Variants in CCDC88A observed in about 807,000 individuals in gnomAD.
CCDC88A encodes coiled-coil and HOOK domain protein 88A.
CCDC88A carries 54 observed loss-of-function variants against 234.3 expected under a neutral mutation model. That is an observed-to-expected ratio of 0.23 (90% CI 0.19 to 0.29). The LOEUF (loss-of-function observed/expected upper bound fraction) is 0.29. CCDC88A is among the 10% of genes least tolerant of loss of function. The probability of loss-of-function intolerance (pLI) is 1.00; values close to 1 mark genes in which losing one functional copy is unlikely to be tolerated. For missense variants in CCDC88A, 1,832 were observed against 2,123.4 expected, an observed-to-expected ratio of 0.86 and a Z score of 2.70; for synonymous variants, 753 against 737.8, an observed-to-expected ratio of 1.02 and a Z score of -0.33.
intron 3 of CCDC88A, among the ~76,000 whole-genome samples, chr2:55,380,832 G>T (rs1026884568): frequency 6.6e-6 from 1 of 152,116 alleles, no homozygotes; most frequent in Non-Finnish European, 1.5e-5. Flanking sequence ...GGCCAGGCTG[G>T]TCTCAAACTC....
intron 9 of CCDC88A, chr2:55,348,593 T>G (rs902557314): frequency 6.6e-6 from 1 of 152,190 alleles, no homozygotes; most frequent in Non-Finnish European, 1.5e-5. Flanking sequence ...TTTTAAAACT[T>G]CATAGTTTTA....
Position 55,317,951 on chromosome 2 carries a change from C to T in CCDC88A, c.3325-110G>A, listed in dbSNP as rs1387279708. The T allele has an allele frequency of 2.7e-6, 2 of 751,456 alleles. No homozygotes were observed. The highest frequency in any genetic ancestry group is 3.5e-5 in the African/African-American group (2 of 56,696). The allele number at this position is 751,456 out of a possible 1,614,324, so 46.5% of individuals were successfully genotyped here. The stretch of plus-strand genomic sequence containing the variant: ...AAAGCTCTAAATGAATCACAGCACA[C>T]ATATTTACATTATACTGGGAAGACG... On this transcript the variant is annotated intron_variant, in intron 19 of 32. Transcript: ENST00000436346. The surrounding 1 kb of genome is among the most constrained non-coding windows in gnomAD (Gnocchi z 4.2).
chr2:55,312,396 G>T, intron 23 of CCDC88A, 38 bp downstream of exon 23: 1 of 1,578,040 alleles, frequency 6.3e-7, no homozygotes, highest in African/African-American at 1.3e-5. Flanking sequence ...AAAATCATGA[G>T]TAACATATTT....
At chr2:55,358,915 C>T (rs1574271383) in intron 7 of CCDC88A, among the ~76,000 whole-genome samples, 1 of 152,104 alleles carries the variant, frequency 6.6e-6, no homozygotes, top group Admixed American at 6.6e-5. Context: ...TTATTAATCT[C>T]CATAGTAGCC....
At chr2:55,346,432 T>A in intron 9 of CCDC88A, 99 bp from the exon 10 acceptor site, 1 of 671,960 alleles carries the variant, frequency 1.5e-6, no homozygotes, top group Non-Finnish European at 2.3e-6. Flanking sequence ...TTTATTTATT[T>A]ATTTGAGATG....
chr2:55,308,629 T>C (rs974919425), intron 25 of CCDC88A, 180 bp downstream of exon 25: 2 of 583,132 alleles, frequency 3.4e-6, no homozygotes, highest in Middle Eastern at 4.5e-4. Flanking sequence ...TATCTGTGTA[T>C]GATTTACCTC....
chr2:55,353,649 C>CAAA (rs34022778), intron 8 of CCDC88A, among the ~76,000 whole-genome samples: 5 of 77,054 alleles, frequency 6.5e-5, no homozygotes, highest in Admixed American at 2.9e-4. Flanking sequence ...GAAACCAAAC[C>CAAA]AAAAAAAAAA....
Position 55,332,668 on chromosome 2 carries a change from G to A in CCDC88A, c.2753C>T (p.Thr918Ile). 6.2e-7 allele frequency: 1 copy of A among 1,613,262 alleles called. No homozygotes were observed. The highest frequency in any genetic ancestry group is 8.5e-7 in the Non-Finnish European group (1 of 1,179,656). Residue 918 changes from threonine (T) to isoleucine (I), a missense_variant, in exon 16 of 33, where the codon ACC becomes ATC. By Grantham distance (89) the Thr-to-Ile change is moderately conservative (BLOSUM62 -1). Transcript: ENST00000436346. This position sits in a 1 kb window ranked among gnomAD's most constrained non-coding sequence, Gnocchi z 4.5. ...REDLVSEKLKTQQMNNDLEKL... is the reference protein window; with the variant it reads ...REDLVSEKLKIQQMNNDLEKL... Reference sequence around the variant, plus strand: ...TTCGAGATCATTGTTCATCTGTTGGGTCTTCAACTTTTCACTCACCAAATC... The same window carrying A: ...TTCGAGATCATTGTTCATCTGTTGGATCTTCAACTTTTCACTCACCAAATC...
At chr2:55,341,036 T>G (rs944575697) in intron 12 of CCDC88A, among the ~76,000 whole-genome samples, 1 of 152,026 alleles carries the variant, frequency 6.6e-6, no homozygotes, top group Non-Finnish European at 1.5e-5. Context: ...TGATACCACA[T>G]ATAAATGAGA....
chr2:55,336,898 G>T, intron 13 of CCDC88A, 80 bp from the exon 14 acceptor site: 2 of 854,036 alleles, frequency 2.3e-6, no homozygotes, highest in Non-Finnish European at 3.6e-6. Flanking sequence ...CATAATCGCT[G>T]AATAAAGGAT....
chr2:55,295,216 C>T (rs1340516211), intron 31 of CCDC88A: 2 of 1,323,102 alleles, frequency 1.5e-6, no homozygotes, highest in African/African-American at 1.5e-5. Context: ...TTCTGATGAT[C>T]AGAAAACTGT....
chr2:55,344,041 A>AG (rs981549639), intron 11 of CCDC88A: 10 of 387,132 alleles, frequency 2.6e-5, no homozygotes, highest in Non-Finnish European at 4.1e-5. Flanking sequence ...ATACTGTTTT[A>AG]GTGATACAAC....
At chr2:55,402,207 G>A (rs1678818576) in intron 2 of CCDC88A, among the ~76,000 whole-genome samples, 1 of 152,148 alleles carries the variant, frequency 6.6e-6, no homozygotes, top group East Asian at 1.9e-4. Flanking sequence ...ATGTAACAGT[G>A]TTTGTTAACA....
chr2:55,390,727 TGAG>T (rs1676500940), intron 2 of CCDC88A, among the ~76,000 whole-genome samples: 1 of 152,166 alleles, frequency 6.6e-6, no homozygotes. Flanking sequence ...TTGCTGAACT[TGAG>T]GAGACAAAGC....
rs745546292 is a variant in CCDC88A, at chr2:55,372,439, T to C, written c.402+13A>G. 4.4e-6 allele frequency: 6 copies of C among 1,356,134 alleles called. No homozygotes were observed. Among genetic ancestry groups the C allele is most frequent in the Non-Finnish European group, 6.2e-6 (6 of 968,136 alleles). 84.0% of individuals were successfully genotyped at this position (1,356,134 alleles called of 1,614,324 possible). ...TTGTTAAAATGAAAATATGAAAAAATATTTTAACTTACCTGAACTGCACAA... is the reference window on the plus strand; with the variant it reads ...TTGTTAAAATGAAAATATGAAAAAACATTTTAACTTACCTGAACTGCACAA... On this transcript the variant is annotated intron_variant, in intron 5 of 32. Transcript: ENST00000436346.
intron 17 of CCDC88A, chr2:55,323,539 TTTTG>T (rs531454783): frequency 4.6e-5 from 7 of 152,166 alleles, no homozygotes; most frequent in Middle Eastern, 3.4e-3. Context: ...AGTTTCCGGG[TTTTG>T]TTTGTTTTGT....
chr2:55,320,132 GA>G (rs1411948626), intron 18 of CCDC88A, among the ~76,000 whole-genome samples: 1 of 152,038 alleles, frequency 6.6e-6, no homozygotes, highest in Non-Finnish European at 1.5e-5. Flanking sequence ...TAGAAAGGAT[GA>G]AAAAATGTGT....
intron 31 of CCDC88A, chr2:55,294,428 A>G: frequency 1.1e-6 from 1 of 888,032 alleles, no homozygotes; most frequent in Non-Finnish European, 1.3e-6. Flanking sequence ...ACAATCTTTT[A>G]AATCTGAAAA....
chr2:55,312,748 G>T, intron 22 of CCDC88A, 169 bp from the exon 23 acceptor site: 4 of 515,846 alleles, frequency 7.8e-6, no homozygotes, highest in South Asian at 3.1e-5. Flanking sequence ...TACAGCACTG[G>T]GTTACATGCT....
Sources: allele counts gnomAD v4.1 joint callset (sites outside exome capture counted in the v4.1 genomes callset), GRCh38; gene constraint gnomAD v4.1.1; non-coding constraint Gnocchi (gnomAD v3.1); transcripts MANE v1.5; gene names NCBI Gene and HGNC (gene_info 2026-07-23, HGNC 2026-07-21).